CRAMP1: variants seen among roughly 807,000 people sequenced by gnomAD.
CRAMP1 encodes cramped chromatin regulator 1.
Under a neutral mutation model 115.4 loss-of-function variants are expected in CRAMP1, and 50 were observed. That is an observed-to-expected ratio of 0.43 (90% CI 0.35 to 0.55). The LOEUF (loss-of-function observed/expected upper bound fraction) is 0.55, where lower values mean the gene tolerates loss of function less well. Ranked by LOEUF, CRAMP1 falls within the 20% of genes least tolerant of loss-of-function variation. The pLI is 0.01. For missense variants in CRAMP1, 1,679 were observed against 1,721.7 expected (o/e 0.98, Z 0.44); for synonymous variants, 866 against 745.4 (o/e 1.16, Z -2.64).
chr16:1,650,545 G>A (rs1404666116), intron 6 of CRAMP1, among the ~76,000 whole-genome samples: 3 of 152,158 alleles, frequency 2.0e-5, no homozygotes, highest in African/African-American at 4.8e-5. Context: ...TCATCTCATC[G>A]AAGCTAACCA....
At chr16:1,667,483 G>C (rs1320142979) in intron 17 of CRAMP1, 83 bp downstream of exon 17, 1 of 1,082,034 alleles carries the variant, frequency 9.2e-7, no homozygotes, top group African/African-American at 1.5e-5. Context: ...TGCAGTCTTG[G>C]AGTGGCCCGG....
intron 3 of CRAMP1, among the ~76,000 whole-genome samples, chr16:1,629,263 AC>A (rs56667361): frequency 0.089 from 13,572 of 151,874 alleles, 706 homozygotes; most frequent in African/African-American, 0.13. Context: ...CTCTGTCCCC[AC>A]CTAGGCCCTC....
intron 2 of CRAMP1, among the ~76,000 whole-genome samples, chr16:1,621,858 T>G (rs138317093): frequency 0.011 from 1,747 of 152,306 alleles, 33 homozygotes; most frequent in Non-Finnish European, 0.014. Flanking sequence ...GGCTTTGGCC[T>G]TCTGCTTTTC....
intron 2 of CRAMP1, among the ~76,000 whole-genome samples, chr16:1,617,365 C>T (rs2036429353): frequency 6.6e-6 from 1 of 152,206 alleles, no homozygotes; most frequent in Admixed American, 6.5e-5. Flanking sequence ...GACCTCTGCT[C>T]AGTCGTTGCT....
At chr16:1,636,899 A>C (rs535215270) in intron 4 of CRAMP1, among the ~76,000 whole-genome samples, 65 of 152,334 alleles carry the variant, frequency 4.3e-4, no homozygotes, top group Admixed American at 2.2e-3. Context: ...CCTCCTGCCC[A>C]AATCAGGCTC....
Position 1,625,995 on chromosome 16 carries a change from G to C in CRAMP1, c.369G>C (p.Ser123=). The change falls in exon 3 of 21, where the codon TCG becomes TCC. Residue 123 remains serine, a synonymous_variant. Transcript: ENST00000397412. ...RGKGAEGGGS[S]SGNVSGVAPA... ...AAGGAGCTGAAGGTGGTGGATCATC[G>C]TCTGGAAATGTGTCTGGGGTTGCCC... 6.4e-7 allele frequency: 1 copy of C among 1,551,610 alleles called. No individual in the cohort carries two copies. The highest frequency in any genetic ancestry group is 1.2e-5 in the South Asian group (1 of 84,066).
In CRAMP1 at chr16:1,614,748, G is replaced by C; in HGVS notation, c.109G>C (p.Asp37His). 7.3e-7 allele frequency: 1 copy of C among 1,369,026 alleles called. No homozygotes were observed. 84.8% of individuals were successfully genotyped at this position (1,369,026 alleles called of 1,614,324 possible). Residue 37 changes from aspartate (D) to histidine (H), a missense_variant, in exon 2 of 21, where the codon GAC becomes CAC. Physicochemically the swap from Asp to His is moderately conservative, Grantham distance 81. Transcript: ENST00000397412. This position sits in a 1 kb window ranked among gnomAD's most constrained non-coding sequence, Gnocchi z 4.4. ...SLEGEGAGGA[D>H]AAEESSGTKR... ...GGAAGGAGAAGGGGCCGGCGGCGCA[G>C]ACGCGGCCGAGGAGAGCAGCGGCAC...
At chr16:1,644,974 T>C (rs981625154) in intron 6 of CRAMP1, among the ~76,000 whole-genome samples, 4 of 152,056 alleles carry the variant, frequency 2.6e-5, no homozygotes, top group Non-Finnish European at 5.9e-5. Context: ...AGCACTGATA[T>C]TACAGGCATG....
Position 1,637,804 on chromosome 16 carries a change from CCTTCT to C in CRAMP1, c.695-14_695-10del. ...CCTCCTGTTCCCCTCTCTAAAGCCG[CCTTCT>C]CTTCTGTTTCTCAGTGTTCTCTCGA... On this transcript the variant is annotated splice_polypyrimidine_tract_variant and intron_variant, in intron 4 of 20. Coordinates refer to ENST00000397412, the MANE Select transcript of CRAMP1 (RefSeq NM_020825.4). 7.1e-7 allele frequency: 1 copy of C among 1,416,556 alleles called. No homozygotes were observed. The highest frequency in any genetic ancestry group is 9.5e-7 in the Non-Finnish European group (1 of 1,055,882). 87.7% of individuals were successfully genotyped at this position (1,416,556 alleles called of 1,614,324 possible). A position where few individuals can be genotyped will look rare whatever the true frequency, so the allele number is the denominator to read the frequency against.
rs1596494536 is a variant in CRAMP1 at position 1,656,916 on chromosome 16, T to C, written c.2159T>C (p.Leu720Pro). 1.2e-5 allele frequency: 18 copies of C among 1,556,472 alleles called. 1 individual carries two copies. Among genetic ancestry groups the C allele is most frequent in the Non-Finnish European group, 1.5e-5 (17 of 1,150,932 alleles). ...PGRQDPRPGS[L>P]PTALHKQRLL... is the part of the protein sequence containing the mutation. ...CGCCAGGACCCCCGCCCCGGCTCCC[T>C]ACCCACCGCCCTCCACAAGCAGCGC... The change falls in exon 10 of 21, where the codon CTA becomes CCA. Residue 720 changes from leucine (L) to proline (P), a missense_variant. Coordinates refer to ENST00000397412, the MANE Select transcript of CRAMP1 (RefSeq NM_020825.4). The surrounding 1 kb of genome is among the most constrained non-coding windows in gnomAD (Gnocchi z 5.6).
intron 8 of CRAMP1, 48 bp from the exon 9 acceptor site, chr16:1,655,171 C>G (rs765383864): frequency 1.3e-6 from 2 of 1,508,686 alleles, no homozygotes; most frequent in East Asian, 4.5e-5. Flanking sequence ...CAGATGGTTT[C>G]CTTCCTGTTC....
chr16:1,660,896 C>T (rs532057135), intron 11 of CRAMP1, among the ~76,000 whole-genome samples: 9 of 152,300 alleles, frequency 5.9e-5, no homozygotes, highest in South Asian at 2.1e-4. Context: ...TTAATCCCAG[C>T]TACTCCGAAG....
At chr16:1,662,892 A>G (rs1567460722) in intron 13 of CRAMP1, 57 bp downstream of exon 13, 80 of 1,361,644 alleles carry the variant, frequency 5.9e-5, no homozygotes, top group Non-Finnish European at 8.2e-5. Context: ...ACCAGGACAC[A>G]GGGCTTCTTC....
chr16:1,615,233 T>A (rs757050366), intron 2 of CRAMP1, among the ~76,000 whole-genome samples: 9 of 152,220 alleles, frequency 5.9e-5, no homozygotes, highest in Non-Finnish European at 7.3e-5. Flanking sequence ...GTCGAAGAGA[T>A]CCCTTAAAGC....
chr16:1,660,681 T>C (rs2036820828), intron 11 of CRAMP1, among the ~76,000 whole-genome samples: 1 of 152,200 alleles, frequency 6.6e-6, no homozygotes, highest in Non-Finnish European at 1.5e-5. Context: ...GAGATTATCA[T>C]GGTTAGAATG....
intron 18 of CRAMP1, 22 bp downstream of exon 18, chr16:1,668,215 A>G (rs1272325537): frequency 6.6e-7 from 1 of 1,516,914 alleles, no homozygotes; most frequent in Admixed American, 1.7e-5. Context: ...GCGGCCTCAC[A>G]GCCCTTCCTG....
At chr16:1,625,896 C>A in intron 2 of CRAMP1, 77 bp from the exon 3 acceptor site, 3 of 1,406,624 alleles carry the variant, frequency 2.1e-6, no homozygotes, top group Non-Finnish European at 9.7e-7. Flanking sequence ...GTGGGCCCTT[C>A]CCTCCCACCG....
At chr16:1,643,112 T>C (rs944020858) in intron 6 of CRAMP1, among the ~76,000 whole-genome samples, 4 of 152,062 alleles carry the variant, frequency 2.6e-5, no homozygotes, top group African/African-American at 9.7e-5. Context: ...CAAAGAGTAT[T>C]CTAGGGACAA....
intron 7 of CRAMP1, 45 bp downstream of exon 7, chr16:1,652,626 T>C (rs113924250): frequency 1.3e-6 from 2 of 1,505,038 alleles, no homozygotes. Flanking sequence ...GTGCCCATGG[T>C]GTCCCATTCA....
Sources: gnomAD v4.1 joint callset for allele counts (sites outside exome capture counted in the v4.1 genomes callset) on GRCh38, gnomAD v4.1.1 for gene constraint, Gnocchi (gnomAD v3.1) non-coding constraint, MANE v1.5 for transcripts, NCBI Gene and HGNC (gene_info 2026-07-23, HGNC 2026-07-21) for gene names.